ACOXL: variants seen among roughly 807,000 people sequenced by gnomAD.
ACOXL encodes the protein acyl-coenzyme A oxidase-like protein.
In ACOXL, 70 loss-of-function variants were observed where a neutral mutation model predicts 71.9. The observed-to-expected ratio is 0.97, with a 90% confidence interval of 0.80 to 1.19. ACOXL has a LOEUF of 1.19. ACOXL is among the 50% of genes most tolerant of loss of function. ACOXL has a pLI of 0.00. For synonymous variants in ACOXL, 253 were observed against 281.6 expected, an observed-to-expected ratio of 0.90 and a Z score of 1.02; for missense variants, 703 against 736.3, an observed-to-expected ratio of 0.95 and a Z score of 0.52.
intron 1 of ACOXL, among the ~76,000 whole-genome samples, chr2:110,736,293 C>T (rs1421121917): frequency 6.6e-6 from 1 of 152,126 alleles, no homozygotes; most frequent in Non-Finnish European, 1.5e-5. Context: ...TAAGTGCGTT[C>T]ACATTGTTGT....
At chr2:110,977,350 C>A (rs1396291135) in intron 12 of ACOXL, among the ~76,000 whole-genome samples, 1 of 151,806 alleles carries the variant, frequency 6.6e-6, no homozygotes, top group African/African-American at 2.4e-5. Context: ...CGCCACTGCA[C>A]CCCAGCCTGG....
rs140407846 is a variant in ACOXL at position 111,060,665 on chromosome 2, G to A, written c.1440+11377G>A. On this transcript the variant is annotated intron_variant, in intron 16 of 17. Coordinates refer to ENST00000439055, the MANE Select transcript of ACOXL (RefSeq NM_001142807.4). ...ATCAAACTGAATGAAAAAAGCCATCGGTAGACACTAATATCAAGATGACAG... is the reference window on the plus strand; with the variant it reads ...ATCAAACTGAATGAAAAAAGCCATCAGTAGACACTAATATCAAGATGACAG... Among the ~76,000 whole-genome samples the A allele has an allele frequency of 2.8e-4, 43 of 152,210 alleles. No homozygotes were observed. In the East Asian group the frequency reaches 7.1e-3, roughly 25 times the overall value.
At chr2:111,068,975 C>G (rs1313643119) in intron 16 of ACOXL, among the ~76,000 whole-genome samples, 2 of 152,108 alleles carry the variant, frequency 1.3e-5, no homozygotes, top group African/African-American at 4.8e-5. Context: ...AAGTGGATCA[C>G]TGGAATGAAA....
chr2:110,954,546 T>C (rs3789117), intron 12 of ACOXL, among the ~76,000 whole-genome samples: 23,640 of 152,146 alleles, frequency 0.16, 2,042 homozygotes, highest in East Asian at 0.32. Context: ...TTACGAAGTC[T>C]GAAGTGAATT....
chr2:110,871,937 C>T (rs1447842060), intron 10 of ACOXL, among the ~76,000 whole-genome samples: 3 of 152,204 alleles, frequency 2.0e-5, no homozygotes, highest in Non-Finnish European at 4.4e-5. Flanking sequence ...TTTCAGTAAT[C>T]CACCTCTGCG....
At chr2:111,012,397 A>G (rs544688723) in intron 14 of ACOXL, among the ~76,000 whole-genome samples, 1 of 152,314 alleles carries the variant, frequency 6.6e-6, no homozygotes, top group African/African-American at 2.4e-5. Flanking sequence ...CTTTATTGAC[A>G]TATTTGCTTT....
intron 9 of ACOXL, among the ~76,000 whole-genome samples, chr2:110,811,574 G>T (rs1017457539): frequency 7.2e-5 from 11 of 152,136 alleles, no homozygotes; most frequent in African/African-American, 2.7e-4. Context: ...TTACTCATCT[G>T]CTCAGATGGA....
At chr2:110,895,926 T>C (rs1187313606) in intron 10 of ACOXL, among the ~76,000 whole-genome samples, 1 of 152,098 alleles carries the variant, frequency 6.6e-6, no homozygotes, top group Non-Finnish European at 1.5e-5. Flanking sequence ...GAAAGAACCT[T>C]GGAACCACAA....
At chr2:110,746,542 TGG>T (rs1454871398) in intron 1 of ACOXL, among the ~76,000 whole-genome samples, 1 of 152,188 alleles carries the variant, frequency 6.6e-6, no homozygotes, top group Non-Finnish European at 1.5e-5. Context: ...ACCCGGCTCC[TGG>T]GCATGTTGCC....
At chr2:110,935,772 G>C (rs192822517) in intron 12 of ACOXL, among the ~76,000 whole-genome samples, 173 of 152,034 alleles carry the variant, frequency 1.1e-3, no homozygotes, top group African/African-American at 4.1e-3. Flanking sequence ...ACACTAACAG[G>C]GTGCTCTGCA....
At chr2:111,023,575 G>A (rs1274263208) in intron 14 of ACOXL, among the ~76,000 whole-genome samples, 2 of 152,134 alleles carry the variant, frequency 1.3e-5, no homozygotes, top group Non-Finnish European at 2.9e-5. Context: ...GTGGGAGAAG[G>A]GGCCCCATGG....
chr2:110,736,198 A>G (rs1019519826), intron 1 of ACOXL, among the ~76,000 whole-genome samples: 2 of 152,204 alleles, frequency 1.3e-5, no homozygotes, highest in South Asian at 2.1e-4. Context: ...GTTTCCTCCT[A>G]CAGCCATTTT....
chr2:110,913,829 G>A (rs1212457776), intron 11 of ACOXL, among the ~76,000 whole-genome samples: 1 of 152,126 alleles, frequency 6.6e-6, no homozygotes, highest in Admixed American at 6.5e-5. Context: ...GAGAGAGTAG[G>A]ATAGGTACCA....
At chr2:110,858,304 G>A (rs1206851832) in intron 10 of ACOXL, among the ~76,000 whole-genome samples, 1 of 152,214 alleles carries the variant, frequency 6.6e-6, no homozygotes, top group Admixed American at 6.5e-5. Context: ...TTAGAGAACA[G>A]GTGTCCTGGG....
At chr2:110,847,723 G>A (rs1164622143) in intron 10 of ACOXL, among the ~76,000 whole-genome samples, 1 of 152,192 alleles carries the variant, frequency 6.6e-6, no homozygotes, top group East Asian at 1.9e-4. Flanking sequence ...CACCGGCCCC[G>A]TAAGAGGCCC....
chr2:110,818,636 A>G lies in ACOXL; in HGVS notation c.753+13241A>G, dbSNP rs564140696. Reference sequence around the variant, plus strand: ...AAGTGGAATTTTAAAAAGACGGGGGATGGGGGAGATTTAGGTTAAATGTGA... The same window carrying G: ...AAGTGGAATTTTAAAAAGACGGGGGGTGGGGGAGATTTAGGTTAAATGTGA... On this transcript the variant is annotated intron_variant, in intron 9 of 17. Transcript: ENST00000439055. Among the ~76,000 whole-genome samples the G allele has an allele frequency of 2.6e-4, 39 of 151,736 alleles. No homozygotes were observed. The South Asian group carries it at 7.5e-3, about 29-fold the overall frequency.
At chr2:111,023,961 G>A (rs2064896858) in intron 14 of ACOXL, among the ~76,000 whole-genome samples, 1 of 152,194 alleles carries the variant, frequency 6.6e-6, no homozygotes, top group South Asian at 2.1e-4. Flanking sequence ...CAGGCCCAGT[G>A]TTTTGCTAGT....
chr2:110,983,245 C>T (rs531067295), intron 12 of ACOXL, among the ~76,000 whole-genome samples: 1 of 152,300 alleles, frequency 6.6e-6, no homozygotes. Context: ...CAGTGAAATA[C>T]TTAGTGTGAG....
At chr2:111,106,198 A>T (rs1278767374) in intron 17 of ACOXL, among the ~76,000 whole-genome samples, 2 of 152,114 alleles carry the variant, frequency 1.3e-5, no homozygotes, top group Non-Finnish European at 2.9e-5. Flanking sequence ...TCTGTTCATT[A>T]TATATTCAGT....
Sources: allele counts gnomAD v4.1 joint callset (sites outside exome capture counted in the v4.1 genomes callset), GRCh38; gene constraint gnomAD v4.1.1; transcripts MANE v1.5; gene names NCBI Gene and HGNC (gene_info 2026-07-23, HGNC 2026-07-21).